ADGRL2: variants seen among roughly 807,000 people sequenced by gnomAD.
The protein encoded by ADGRL2 is adhesion G protein-coupled receptor L2, also known as calcium-independent alpha-latrotoxin receptor 2.
Under a neutral mutation model 157.4 loss-of-function variants are expected in ADGRL2, and 44 were observed. That is an observed-to-expected ratio of 0.28 (90% CI 0.22 to 0.36). The LOEUF (loss-of-function observed/expected upper bound fraction) is 0.36, where lower values mean the gene tolerates loss of function less well. Ranked by LOEUF, ADGRL2 falls within the 10% of genes least tolerant of loss-of-function variation. The pLI is 1.00. For missense variants in ADGRL2, 1,510 were observed against 1,768.9 expected (o/e 0.85, Z 2.63); for synonymous variants, 585 against 624.7 (o/e 0.94, Z 0.95).
At chr1:81,722,199 A>C in intron 1 of ADGRL2, 1 of 372,152 alleles carries the variant, frequency 2.7e-6, no homozygotes, top group Non-Finnish European at 5.2e-6. Context: ...AGGCTGAGGC[A>C]GGAGAATGGC....
At chr1:81,680,366 T>C (rs2083085101) in intron 3 of ADGRL2, among the ~76,000 whole-genome samples, 1 of 152,216 alleles carries the variant, frequency 6.6e-6, no homozygotes, top group Admixed American at 6.5e-5. Context: ...AAACTGTTTA[T>C]TCCAGCAATG....
intron 1 of ADGRL2, among the ~76,000 whole-genome samples, chr1:81,832,713 T>G (rs2092032289): frequency 6.6e-6 from 1 of 152,204 alleles, no homozygotes; most frequent in Admixed American, 6.5e-5. Flanking sequence ...TCTGTGAGCA[T>G]TGCCAGCCCC....
intron 2 of ADGRL2, among the ~76,000 whole-genome samples, chr1:81,534,248 G>A (rs1230305477): frequency 2.0e-5 from 3 of 151,916 alleles, no homozygotes; most frequent in Admixed American, 6.6e-5. Flanking sequence ...TGCAACCTCC[G>A]CCTCCCAGGT....
At chr1:81,669,542 C>T (rs1462260896) in intron 3 of ADGRL2, among the ~76,000 whole-genome samples, 2 of 152,190 alleles carry the variant, frequency 1.3e-5, no homozygotes, top group East Asian at 1.9e-4. Flanking sequence ...CCTCATGAAG[C>T]TTATAATCTA....
At chr1:81,791,896 G>A (rs1406173836) in intron 2 of ADGRL2, among the ~76,000 whole-genome samples, 2 of 152,220 alleles carry the variant, frequency 1.3e-5, no homozygotes, top group Non-Finnish European at 2.9e-5. Flanking sequence ...GTAATAGTCT[G>A]TGAAGAAATA....
rs548500898 is a variant in ADGRL2 at position 81,408,014 on chromosome 1, C to A, written c.-301-37022C>A. Reference sequence around the variant, plus strand: ...TGCATTTTTATCTGTTAGTTATAGACAATGAGGTTGTTACACAAGACACAC... The same window carrying A: ...TGCATTTTTATCTGTTAGTTATAGAAAATGAGGTTGTTACACAAGACACAC... On this transcript the variant is annotated intron_variant, in intron 1 of 24. Transcript: ENST00000370721. 1.8e-4 allele frequency among the ~76,000 whole-genome samples: 28 copies of A among 152,224 alleles called. No individual in the cohort carries two copies. The East Asian group carries it at 4.4e-3, about 24-fold the overall frequency.
intron 3 of ADGRL2, among the ~76,000 whole-genome samples, chr1:81,657,847 A>C (rs1036004667): frequency 6.6e-6 from 1 of 152,172 alleles, no homozygotes; most frequent in Non-Finnish European, 1.5e-5. Flanking sequence ...TATTATAACT[A>C]TTACATCTTT....
At chr1:81,456,046 C>T (rs1230251632) in intron 2 of ADGRL2, among the ~76,000 whole-genome samples, 1 of 152,044 alleles carries the variant, frequency 6.6e-6, no homozygotes, top group African/African-American at 2.4e-5. Flanking sequence ...TCATAAAAGC[C>T]TAATACATTT....
At chr1:81,592,483 G>A (rs971707026) in intron 3 of ADGRL2, among the ~76,000 whole-genome samples, 7 of 152,166 alleles carry the variant, frequency 4.6e-5, no homozygotes, top group African/African-American at 1.7e-4. Flanking sequence ...TCTGCCACCA[G>A]TGATAAGAGC....
At chr1:81,572,558 A>G (rs2080717061) in intron 2 of ADGRL2, among the ~76,000 whole-genome samples, 1 of 152,216 alleles carries the variant, frequency 6.6e-6, no homozygotes, top group Admixed American at 6.5e-5. Context: ...CTTTCATATT[A>G]CAGGTCCCAA....
intron 2 of ADGRL2, among the ~76,000 whole-genome samples, chr1:81,474,440 T>C (rs372204335): frequency 9.8e-5 from 15 of 152,296 alleles, no homozygotes; most frequent in East Asian, 5.8e-4. Flanking sequence ...TGACATGATA[T>C]GATTGAAGCA....
intron 2 of ADGRL2, among the ~76,000 whole-genome samples, chr1:81,534,700 A>G (rs1029381343): frequency 6.6e-6 from 1 of 152,166 alleles, no homozygotes; most frequent in Non-Finnish European, 1.5e-5. Context: ...TGATTCTTGA[A>G]CTAGTTAGTT....
At chr1:81,610,346 T>C (rs1425220895) in intron 3 of ADGRL2, among the ~76,000 whole-genome samples, 2 of 151,070 alleles carry the variant, frequency 1.3e-5, no homozygotes, top group South Asian at 4.2e-4. Flanking sequence ...AATATTTTGG[T>C]GAATTGCATT....
intron 3 of ADGRL2, among the ~76,000 whole-genome samples, chr1:81,912,123 G>A (rs1340810248): frequency 6.6e-6 from 1 of 151,434 alleles, no homozygotes; most frequent in Non-Finnish European, 1.5e-5. Context: ...CCACGCTGGA[G>A]TGCAGTGGCA....
intron 3 of ADGRL2, among the ~76,000 whole-genome samples, chr1:81,622,170 A>G (rs2081806631): frequency 6.6e-6 from 1 of 152,228 alleles, no homozygotes; most frequent in African/African-American, 2.4e-5. Context: ...GTAAATCATA[A>G]TGGAGATGAC....
chr1:81,778,618 T>C (rs2086692869), intron 2 of ADGRL2, among the ~76,000 whole-genome samples: 1 of 152,188 alleles, frequency 6.6e-6, no homozygotes, highest in Non-Finnish European at 1.5e-5. Flanking sequence ...CCAAGCAACA[T>C]CCATTTCATG....
intron 1 of ADGRL2, among the ~76,000 whole-genome samples, chr1:81,391,048 C>T (rs974701048): frequency 6.6e-6 from 1 of 152,306 alleles, no homozygotes; most frequent in South Asian, 2.1e-4. Context: ...CGTTTGGTAA[C>T]TACTGAGTTA....
At chr1:81,863,493 C>A (rs1160570670) in intron 2 of ADGRL2, among the ~76,000 whole-genome samples, 1 of 152,158 alleles carries the variant, frequency 6.6e-6, no homozygotes, top group Non-Finnish European at 1.5e-5. Flanking sequence ...TTATCCTACA[C>A]CCCTAACTTG....
intron 1 of ADGRL2, among the ~76,000 whole-genome samples, chr1:81,834,185 C>T (rs1298840281): frequency 6.6e-6 from 1 of 152,096 alleles, no homozygotes; most frequent in Non-Finnish European, 1.5e-5. Context: ...CCAGTTCCTC[C>T]CCCACTTCAT....
Sources: allele counts gnomAD v4.1 joint callset (sites outside exome capture counted in the v4.1 genomes callset), GRCh38; gene constraint gnomAD v4.1.1; transcripts MANE v1.5; gene names NCBI Gene and HGNC (gene_info 2026-07-23, HGNC 2026-07-21).